CACNA2D3: variants seen among roughly 807,000 people sequenced by gnomAD.
CACNA2D3 encodes calcium voltage-gated channel auxiliary subunit alpha2delta 3.
Under a neutral mutation model 160.6 loss-of-function variants are expected in CACNA2D3, and 60 were observed. The ratio of observed to expected loss-of-function variants is 0.37; its 90% confidence interval spans 0.30 to 0.46. The LOEUF (loss-of-function observed/expected upper bound fraction) is 0.46, where lower values mean the gene tolerates loss of function less well. CACNA2D3 is among the 20% of genes least tolerant of loss of function. CACNA2D3 has a pLI of 1.00. For synonymous variants in CACNA2D3, 558 were observed against 492.9 expected, an observed-to-expected ratio of 1.13 and a Z score of -1.75; for missense variants, 1,205 against 1,365.0, an observed-to-expected ratio of 0.88 and a Z score of 1.85.
intron 35 of CACNA2D3, among the ~76,000 whole-genome samples, chr3:55,034,953 A>C (rs1049208987): frequency 6.6e-6 from 1 of 152,182 alleles, no homozygotes; most frequent in African/African-American, 2.4e-5. Context: ...AGAGTTACAA[A>C]GTACAGACAT....
intron 17 of CACNA2D3, among the ~76,000 whole-genome samples, chr3:54,869,075 C>T (rs147317324): frequency 3.3e-5 from 5 of 152,294 alleles, no homozygotes; most frequent in Non-Finnish European, 5.9e-5. Context: ...TGGTGTGACA[C>T]GGCAGAGCCA....
chr3:55,038,072 C>T (rs115964411), intron 35 of CACNA2D3, among the ~76,000 whole-genome samples: 150 of 152,252 alleles, frequency 9.9e-4, no homozygotes, highest in African/African-American at 3.4e-3. Flanking sequence ...CTTTCACTAA[C>T]ATCCATGATA....
At chr3:54,270,512 C>T (rs1264738009) in intron 2 of CACNA2D3, among the ~76,000 whole-genome samples, 1 of 152,190 alleles carries the variant, frequency 6.6e-6, no homozygotes. Context: ...CCCATTTCAG[C>T]TGCTGATGGT....
At chr3:54,146,062 T>C (rs1008084665) in intron 2 of CACNA2D3, among the ~76,000 whole-genome samples, 1 of 152,146 alleles carries the variant, frequency 6.6e-6, no homozygotes, top group Non-Finnish European at 1.5e-5. Flanking sequence ...ATGGTTGTTA[T>C]TGTTGTTGTT....
At chr3:54,795,933 C>A (rs998646981) in intron 13 of CACNA2D3, among the ~76,000 whole-genome samples, 1 of 152,132 alleles carries the variant, frequency 6.6e-6, no homozygotes, top group South Asian at 2.1e-4. Flanking sequence ...ATGTGTTTGG[C>A]AAAGTGTGCT....
intron 13 of CACNA2D3, among the ~76,000 whole-genome samples, chr3:54,786,936 CT>C (rs1702653516): frequency 6.6e-6 from 1 of 152,156 alleles, no homozygotes; most frequent in African/African-American, 2.4e-5. Context: ...CTTGCTATCA[CT>C]TTTGGTATTA....
At chr3:54,512,328 C>G (rs1701472364) in intron 5 of CACNA2D3, among the ~76,000 whole-genome samples, 1 of 152,212 alleles carries the variant, frequency 6.6e-6, no homozygotes. Flanking sequence ...ATGATAGCAC[C>G]TATCTCATGG....
chr3:55,052,934 A>G (rs1440461102), intron 35 of CACNA2D3, among the ~76,000 whole-genome samples: 5 of 152,140 alleles, frequency 3.3e-5, no homozygotes. Context: ...TTAATCCAGT[A>G]TATCAATCTA....
intron 2 of CACNA2D3, among the ~76,000 whole-genome samples, chr3:54,215,063 A>G (rs577462857): frequency 1.3e-5 from 2 of 152,198 alleles, no homozygotes; most frequent in South Asian, 2.1e-4. Context: ...CCCAGGCCCT[A>G]TTGTCCACAC....
At chr3:54,145,096 A>T (rs533398573) in intron 2 of CACNA2D3, among the ~76,000 whole-genome samples, 1 of 152,362 alleles carries the variant, frequency 6.6e-6, no homozygotes, top group Admixed American at 6.5e-5. Context: ...GACTGGCATT[A>T]AAAAGATAGA....
chr3:54,216,343 G>A (rs771795219), intron 2 of CACNA2D3, among the ~76,000 whole-genome samples: 2 of 152,152 alleles, frequency 1.3e-5, no homozygotes, highest in African/African-American at 2.4e-5. Flanking sequence ...TTAAAAGTGC[G>A]TGTTTTGATT....
At chr3:54,430,142 A>G (rs1227271046) in intron 4 of CACNA2D3, among the ~76,000 whole-genome samples, 1 of 152,254 alleles carries the variant, frequency 6.6e-6, no homozygotes, top group Non-Finnish European at 1.5e-5. Flanking sequence ...CTTTCTATGT[A>G]AATTGTGGGA....
chr3:54,252,099 A>ATTTTTTTTTTTTTTTT (rs1575345395), intron 2 of CACNA2D3, among the ~76,000 whole-genome samples: 2 of 71,532 alleles, frequency 2.8e-5, no homozygotes, highest in East Asian at 6.8e-4. Flanking sequence ...TTGCAGAGCT[A>ATTTTTTTTTTTTTTTT]GTTTTTTTTT....
chr3:55,058,020 G>A (rs1704407156), intron 35 of CACNA2D3, among the ~76,000 whole-genome samples: 1 of 152,076 alleles, frequency 6.6e-6, no homozygotes, highest in Admixed American at 6.5e-5. Context: ...TAATTTAAAA[G>A]TCTAAAACAT....
chr3:54,500,003 A>G (rs1304585398), intron 4 of CACNA2D3, among the ~76,000 whole-genome samples: 1 of 152,170 alleles, frequency 6.6e-6, no homozygotes, highest in Non-Finnish European at 1.5e-5. Flanking sequence ...GTCTTTAACT[A>G]TAATAGCTAG....
intron 3 of CACNA2D3, among the ~76,000 whole-genome samples, chr3:54,374,253 C>G (rs1361053319): frequency 6.6e-6 from 1 of 152,198 alleles, no homozygotes; most frequent in Non-Finnish European, 1.5e-5. Flanking sequence ...GTGGGTAATT[C>G]GTGGGAGTGT....
At chr3:54,980,971 C>T (rs1575420128) in intron 29 of CACNA2D3, among the ~76,000 whole-genome samples, 2 of 152,228 alleles carry the variant, frequency 1.3e-5, no homozygotes, top group Middle Eastern at 3.4e-3. Flanking sequence ...GATTTAAGCA[C>T]CTATTATTTT....
intron 3 of CACNA2D3, among the ~76,000 whole-genome samples, chr3:54,349,465 C>T (rs1698514293): frequency 6.6e-6 from 1 of 152,224 alleles, no homozygotes; most frequent in African/African-American, 2.4e-5. Flanking sequence ...GTCACACCTC[C>T]TCACCACAGC....
intron 2 of CACNA2D3, among the ~76,000 whole-genome samples, chr3:54,227,874 C>T (rs890956388): frequency 2.0e-5 from 3 of 152,142 alleles, no homozygotes; most frequent in Admixed American, 6.5e-5. Context: ...TGGTCACCTC[C>T]CTGCTCCCTT....
Sources: allele counts gnomAD v4.1 joint callset (sites outside exome capture counted in the v4.1 genomes callset), GRCh38; gene constraint gnomAD v4.1.1; transcripts MANE v1.5; gene names NCBI Gene and HGNC (gene_info 2026-07-23, HGNC 2026-07-21).